Variants in GLIS3 observed in about 807,000 individuals in gnomAD.
GLIS3 encodes the protein zinc finger protein GLIS3.
In GLIS3, 53 loss-of-function variants were observed where a neutral mutation model predicts 78.6. The observed-to-expected ratio is 0.67, with a 90% CI of 0.54 to 0.85. GLIS3 has a LOEUF of 0.85. GLIS3 is among the 40% of genes least tolerant of loss of function. The pLI is 0.00. For missense variants in GLIS3, 1,703 were observed against 1,231.1 expected, an observed-to-expected ratio of 1.38 and a Z score of -5.74; for synonymous variants, 684 against 509.9, an observed-to-expected ratio of 1.34 and a Z score of -4.60.
intron 4 of GLIS3, among the ~76,000 whole-genome samples, chr9:4,011,156 A>G (rs756095357): frequency 2.0e-5 from 3 of 152,160 alleles, no homozygotes; most frequent in Non-Finnish European, 2.9e-5. Flanking sequence ...TCCAAAATGC[A>G]TGCCAGTTTT....
chr9:4,319,819 T>C (rs1001309285), intron 2 of GLIS3, among the ~76,000 whole-genome samples: 1 of 152,164 alleles, frequency 6.6e-6, no homozygotes, highest in Non-Finnish European at 1.5e-5. Context: ...TATCACAAAA[T>C]TTCTACCCCA....
the GLIS3 span, among the ~76,000 whole-genome samples, chr9:4,457,986 A>C: frequency 3.9e-5 from 6 of 152,116 alleles, no homozygotes; most frequent in African/African-American, 1.2e-4. Context: ...AGTTTCACAA[A>C]CCCCACTCAA....
rs756790400 is a variant in GLIS3, at chr9:3,898,713, T to C, written c.2106A>G (p.Gly702=). ...TACCTGAATAGAGGTCAGGCCCGGGTCCAGGGGAGCGTCCCACGGTCCCTT... is the reference window on the plus strand; with the variant it reads ...TACCTGAATAGAGGTCAGGCCCGGGCCCAGGGGAGCGTCCCACGGTCCCTT... ...AAEGTVGRSP[G]PGPDLYSAPI... Residue 702 remains glycine, a synonymous_variant, in exon 7 of 11, where the codon GGA becomes GGG. Coordinates refer to ENST00000381971, the MANE Select transcript of GLIS3 (RefSeq NM_001042413.2). 5 of 1,614,006 alleles carry C rather than the reference T, an allele frequency of 3.1e-6. No individual in the cohort carries two copies. The highest frequency in any genetic ancestry group is 4.2e-6 in the Non-Finnish European group (5 of 1,179,980).
At chr9:3,912,730 T>G (rs1187797616) in intron 6 of GLIS3, among the ~76,000 whole-genome samples, 1 of 152,128 alleles carries the variant, frequency 6.6e-6, no homozygotes, top group Non-Finnish European at 1.5e-5. Context: ...CATTCAGAGG[T>G]ACGTCTTAAA....
chr9:4,381,244 T>C, the GLIS3 span, among the ~76,000 whole-genome samples: 2 of 152,236 alleles, frequency 1.3e-5, no homozygotes, highest in Admixed American at 6.5e-5. Flanking sequence ...CTTTAAAAAG[T>C]ATCTTAGAGG....
At chr9:4,398,323 G>A in the GLIS3 span, among the ~76,000 whole-genome samples, 3 of 151,890 alleles carry the variant, frequency 2.0e-5, no homozygotes, top group Admixed American at 2.0e-4. Flanking sequence ...AGCATGACCT[G>A]GAATCTTATT....
intron 6 of GLIS3, among the ~76,000 whole-genome samples, chr9:3,926,159 T>C (rs1454344696): frequency 6.6e-6 from 1 of 152,112 alleles, no homozygotes; most frequent in Non-Finnish European, 1.5e-5. Flanking sequence ...TATAGTTTAG[T>C]AGTATCAGGT....
the GLIS3 span, among the ~76,000 whole-genome samples, chr9:4,414,926 C>T: frequency 6.6e-6 from 1 of 152,102 alleles, no homozygotes; most frequent in Admixed American, 6.5e-5. Flanking sequence ...TTTCTATCCA[C>T]TGATCCCCAC....
chr9:4,094,199 A>G (rs1002007111), intron 4 of GLIS3, among the ~76,000 whole-genome samples: 5 of 152,192 alleles, frequency 3.3e-5, no homozygotes, highest in African/African-American at 1.2e-4. Context: ...AACTGAGGAA[A>G]ACAAGCTGGG....
Position 4,286,068 on chromosome 9 carries a change from C to G in GLIS3, c.358G>C (p.Gly120Arg), listed in dbSNP as rs200701636. ...CCAGGATTTGGAGGAAAAGGGCTTC[C>G]AAACTCCTGCTGCTTTGGCTTTAAA... ...HTLKPKQQEF[G>R]SPFPPNPGKG... Residue 120 changes from glycine to arginine, a missense_variant, in exon 2 of 11, where the codon GGA becomes CGA. Coordinates refer to ENST00000381971, the MANE Select transcript of GLIS3 (RefSeq NM_001042413.2). 40 of 1,613,708 alleles carry G rather than the reference C, an allele frequency of 2.5e-5. 1 individual carries two copies. The highest frequency in any genetic ancestry group is 3.1e-5 in the Non-Finnish European group (37 of 1,179,824).
intron 2 of GLIS3, among the ~76,000 whole-genome samples, chr9:4,312,105 C>T (rs1260170323): frequency 6.6e-6 from 1 of 152,188 alleles, no homozygotes; most frequent in Admixed American, 6.5e-5. Context: ...ACCTGTATAA[C>T]AAACCTACAC....
chr9:4,109,020 T>C (rs1830998067), intron 4 of GLIS3, among the ~76,000 whole-genome samples: 1 of 152,170 alleles, frequency 6.6e-6, no homozygotes, highest in African/African-American at 2.4e-5. Context: ...TGGGGTTCTA[T>C]GGTGTTCAGG....
At chr9:4,377,031 A>G in the GLIS3 span, among the ~76,000 whole-genome samples, 1 of 134,540 alleles carries the variant, frequency 7.4e-6, no homozygotes, top group African/African-American at 2.6e-5. Flanking sequence ...AAATTCCCTG[A>G]CCCCTTTGTG....
the GLIS3 span, among the ~76,000 whole-genome samples, chr9:4,365,894 C>A: frequency 6.6e-6 from 1 of 152,190 alleles, no homozygotes; most frequent in Non-Finnish European, 1.5e-5. Flanking sequence ...CAAGGAGCTA[C>A]GAGAATGTGA....
At chr9:4,320,898 T>C (rs1157558110) in intron 2 of GLIS3, among the ~76,000 whole-genome samples, 1 of 152,120 alleles carries the variant, frequency 6.6e-6, no homozygotes. Context: ...AGGTAAGTTT[T>C]TTCAAAATGC....
At chr9:4,438,020 T>C in the GLIS3 span, among the ~76,000 whole-genome samples, 2 of 152,196 alleles carry the variant, frequency 1.3e-5, no homozygotes, top group Non-Finnish European at 2.9e-5. Context: ...TATGTGGATT[T>C]TTGACTGTAT....
intron 8 of GLIS3, among the ~76,000 whole-genome samples, chr9:3,867,251 T>C (rs973022969): frequency 3.3e-5 from 5 of 152,250 alleles, no homozygotes; most frequent in African/African-American, 4.8e-5. Flanking sequence ...GTTGCTGTTG[T>C]TATTTTATCT....
At chr9:4,279,356 C>T (rs1442315382) in intron 2 of GLIS3, among the ~76,000 whole-genome samples, 1 of 56,706 alleles carries the variant, frequency 1.8e-5, no homozygotes, top group African/African-American at 6.0e-5. Flanking sequence ...CACACACACA[C>T]ACACACATAA....
At chr9:3,924,552 C>T (rs1825098417) in intron 6 of GLIS3, among the ~76,000 whole-genome samples, 1 of 152,194 alleles carries the variant, frequency 6.6e-6, no homozygotes, top group African/African-American at 2.4e-5. Flanking sequence ...TTATCCACGC[C>T]CTTGTGTGAA....
Sources: allele counts gnomAD v4.1 joint callset (sites outside exome capture counted in the v4.1 genomes callset), GRCh38; gene constraint gnomAD v4.1.1; transcripts MANE v1.5; gene names NCBI Gene and HGNC (gene_info 2026-07-23, HGNC 2026-07-21).